The following PDE10A variants were observed in gnomAD, a reference collection of about 807,000 sequenced individuals.
The protein encoded by PDE10A is cAMP and cAMP-inhibited cGMP 3',5'-cyclic phosphodiesterase 10A.
A neutral mutation model predicts 97.7 loss-of-function variants in PDE10A; 39 were observed. That is an observed-to-expected ratio of 0.40 (90% CI 0.31 to 0.52). The LOEUF is 0.52. Ranked by LOEUF, PDE10A falls within the 20% of genes least tolerant of loss-of-function variation. PDE10A has a pLI of 0.56. For missense variants in PDE10A, 731 were observed against 1,047.8 expected, an observed-to-expected ratio of 0.70 and a Z score of 4.17; for synonymous variants, 371 against 376.8, an observed-to-expected ratio of 0.98 and a Z score of 0.18.
intron 1 of PDE10A, among the ~76,000 whole-genome samples, chr6:165,898,472 A>T (rs1040676855): frequency 1.3e-5 from 2 of 152,066 alleles, no homozygotes. Flanking sequence ...CAAAGCACGA[A>T]ACCTGGAGAT....
At chr6:165,768,577 G>A (rs550328972) in intron 1 of PDE10A, among the ~76,000 whole-genome samples, 1 of 152,112 alleles carries the variant, frequency 6.6e-6, no homozygotes, top group South Asian at 2.1e-4. Flanking sequence ...AACACCTACA[G>A]GAAGAATCCT....
intron 1 of PDE10A, among the ~76,000 whole-genome samples, chr6:165,822,055 C>T (rs1048115817): frequency 1.3e-5 from 2 of 152,188 alleles, no homozygotes; most frequent in Non-Finnish European, 2.9e-5. Context: ...TTTCTGAACT[C>T]GGCAAACACT....
At chr6:165,946,437 T>C (rs1410573820) in intron 1 of PDE10A, among the ~76,000 whole-genome samples, 1 of 150,230 alleles carries the variant, frequency 6.7e-6, no homozygotes, top group Non-Finnish European at 1.5e-5. Flanking sequence ...GAGCTTGCAG[T>C]GAGCCGAGAT....
chr6:165,618,738 C>T (rs1383129476), intron 1 of PDE10A, among the ~76,000 whole-genome samples: 1 of 152,198 alleles, frequency 6.6e-6, no homozygotes, highest in Non-Finnish European at 1.5e-5. Flanking sequence ...GTGATTTGTA[C>T]AGCTTCCCCT....
intron 1 of PDE10A, among the ~76,000 whole-genome samples, chr6:165,817,871 T>G (rs1469436624): frequency 6.6e-6 from 1 of 152,204 alleles, no homozygotes; most frequent in Non-Finnish European, 1.5e-5. Context: ...AATTCTTAAG[T>G]GCGGTAGAAT....
At chr6:165,362,522 C>T (rs1384155837) in intron 18 of PDE10A, among the ~76,000 whole-genome samples, 3 of 151,936 alleles carry the variant, frequency 2.0e-5, no homozygotes, top group Non-Finnish European at 2.9e-5. Flanking sequence ...AAGAAATAGT[C>T]AATGTGAATA....
At chr6:165,872,776 T>A (rs779556022) in intron 1 of PDE10A, among the ~76,000 whole-genome samples, 1 of 152,192 alleles carries the variant, frequency 6.6e-6, no homozygotes, top group Non-Finnish European at 1.5e-5. Context: ...AGCCCTTTGC[T>A]GGGACAAAAG....
At position 165,950,896 on chromosome 6, in the gene PDE10A, A is replaced by T. The variant is rs147300589; in HGVS notation, c.-615+36633T>A. 8.4e-4 allele frequency among the ~76,000 whole-genome samples: 128 copies of T among 152,306 alleles called. 1 individual carries two copies. Among genetic ancestry groups the T allele is most frequent in the African/African-American group, 3.0e-3 (124 of 41,572 alleles). ...GTAAAACTGGGGTACACGTTGGGAG[A>T]TCTGATCTCTCATCCTGATTTAATA... On this transcript the variant is annotated intron_variant, in intron 1 of 19. Transcript: ENST00000366882.
At chr6:165,933,114 C>G (rs897413670) in intron 1 of PDE10A, among the ~76,000 whole-genome samples, 2 of 152,142 alleles carry the variant, frequency 1.3e-5, no homozygotes, top group Admixed American at 6.5e-5. Context: ...CAGGAGGCAG[C>G]AAGTCTTGTG....
At chr6:165,693,020 A>G (rs1467748613) in intron 1 of PDE10A, among the ~76,000 whole-genome samples, 3 of 152,164 alleles carry the variant, frequency 2.0e-5, no homozygotes, top group Non-Finnish European at 4.4e-5. Context: ...ATAACCATTA[A>G]CAGCTTAAAA....
chr6:165,700,274 G>A (rs1043524439), intron 1 of PDE10A, among the ~76,000 whole-genome samples: 1 of 152,196 alleles, frequency 6.6e-6, no homozygotes, highest in African/African-American at 2.4e-5. Context: ...GAAGATGGTT[G>A]TGTAGGGATG....
intron 1 of PDE10A, among the ~76,000 whole-genome samples, chr6:165,817,569 C>T (rs1251644479): frequency 3.3e-5 from 5 of 152,154 alleles, no homozygotes; most frequent in Admixed American, 3.3e-4. Context: ...CATGTTTCTA[C>T]ACCCTAGATG....
chr6:165,776,968 G>T (rs1778203771), intron 1 of PDE10A, among the ~76,000 whole-genome samples: 1 of 152,162 alleles, frequency 6.6e-6, no homozygotes, highest in African/African-American at 2.4e-5. Context: ...AATTACACAT[G>T]CATGTTTGTT....
At position 165,486,377 on chromosome 6, in the gene PDE10A, T is replaced by G. The variant is rs191851708; in HGVS notation, c.995-4034A>C. Among the ~76,000 whole-genome samples, 14 of 152,316 alleles carry G rather than the reference T, an allele frequency of 9.2e-5. No homozygotes were observed. The East Asian group carries it at 1.9e-3, about 21-fold the overall frequency. On this transcript the variant is annotated intron_variant, in intron 2 of 21. Transcript: ENST00000539869. ...GCCACGACTGGATGGCTTTCTGGTTTCACTACTCAGGTCAAACAGGTCGCT... is the reference window on the plus strand; with the variant it reads ...GCCACGACTGGATGGCTTTCTGGTTGCACTACTCAGGTCAAACAGGTCGCT...
chr6:165,412,501 C>T (rs879478514), intron 13 of PDE10A, among the ~76,000 whole-genome samples: 1 of 152,080 alleles, frequency 6.6e-6, no homozygotes, highest in Non-Finnish European at 1.5e-5. Flanking sequence ...ATGTTTGAAG[C>T]AAAAGTGTTT....
intron 1 of PDE10A, among the ~76,000 whole-genome samples, chr6:165,942,719 C>A (rs570515438): frequency 6.6e-6 from 1 of 152,266 alleles, no homozygotes; most frequent in South Asian, 2.1e-4. Flanking sequence ...CTATTATATA[C>A]CAACCTACAT....
rs1785485468 is a variant in PDE10A, at chr6:165,388,872, A to C, written c.2455-419T>G. On this transcript the variant is annotated intron_variant, in intron 16 of 21. Coordinates refer to ENST00000539869, the MANE Select transcript of PDE10A (RefSeq NM_001385079.1). The surrounding 1 kb of genome is among the most constrained non-coding windows in gnomAD (Gnocchi z 4.0). ...AATGCTATTGCTATTATAAACAATA[A>C]ATATAACAGGTAAATCATATCGCAT... Among the ~76,000 whole-genome samples the C allele has an allele frequency of 6.6e-6, 1 of 152,264 alleles. No homozygotes were observed. The highest frequency in any genetic ancestry group is 1.5e-5 in the Non-Finnish European group (1 of 68,046).
intron 1 of PDE10A, among the ~76,000 whole-genome samples, chr6:165,603,835 A>G (rs1002051443): frequency 2.0e-5 from 3 of 152,222 alleles, no homozygotes; most frequent in Non-Finnish European, 4.4e-5. Flanking sequence ...ATATTTATCC[A>G]CTAGGGAACG....
At position 165,802,689 on chromosome 6, in the gene PDE10A, A is replaced by G. The variant is rs147603103; in HGVS notation, c.-615+184840T>C. ...CTGGACAACCTGGTCCGTTCCACAC[A>G]TATGGGGTCTGCAAGGTGGATGTCT... On this transcript the variant is annotated intron_variant, in intron 1 of 19. Transcript: ENST00000366882. Among the ~76,000 whole-genome samples, 917 of 152,310 alleles carry G rather than the reference A, an allele frequency of 6.0e-3. 7 individuals are homozygous for G. Among genetic ancestry groups the G allele is most frequent in the African/African-American group, 0.021 (852 of 41,558 alleles).
Sources: allele counts gnomAD v4.1 joint callset (sites outside exome capture counted in the v4.1 genomes callset), GRCh38; gene constraint gnomAD v4.1.1; non-coding constraint Gnocchi (gnomAD v3.1); transcripts MANE v1.5; gene names NCBI Gene and HGNC (gene_info 2026-07-23, HGNC 2026-07-21).